Variants in ATP8A2 observed in about 807,000 individuals in gnomAD.
ATP8A2 encodes the protein ATPase phospholipid transporting 8A2.
In ATP8A2, 100 loss-of-function variants were observed where a neutral mutation model predicts 165.6. That is an observed-to-expected ratio of 0.60 (90% CI 0.51 to 0.71). The LOEUF (loss-of-function observed/expected upper bound fraction) is 0.71, where lower values mean the gene tolerates loss of function less well. Among genes scored for constraint, ATP8A2 ranks in the 30% least tolerant of loss-of-function variants. ATP8A2 has a pLI of 0.00. For synonymous variants in ATP8A2, 543 were observed against 548.8 expected (o/e 0.99, Z 0.15); for missense variants, 1,227 against 1,479.5 (o/e 0.83, Z 2.80).
At chr13:25,674,555 G>A (rs1268511121) in intron 24 of ATP8A2, among the ~76,000 whole-genome samples, 1 of 152,122 alleles carries the variant, frequency 6.6e-6, no homozygotes, top group Non-Finnish European at 1.5e-5. Flanking sequence ...CAGGGAAGTG[G>A]TGTATTTAGT....
chr13:25,574,860 A>C lies in ATP8A2; in HGVS notation c.1712+3A>C, dbSNP rs757702116. On this transcript the variant is annotated splice_donor_region_variant and intron_variant, in intron 19 of 36. Transcript: ENST00000381655. The stretch of plus-strand genomic sequence containing the variant: ...CTTAATGTCCTGGAATTTTCTAGGT[A>C]TGTTTCTCTTTCATACGTTTGAAAT... 40 of 1,490,132 alleles carry C rather than the reference A, an allele frequency of 2.7e-5. No individual in the cohort carries two copies. The highest frequency in any genetic ancestry group is 3.7e-5 in the Non-Finnish European group (40 of 1,069,470). The allele number at this position is 1,490,132 out of a possible 1,614,324, so 92.3% of individuals were successfully genotyped here. A position where few individuals can be genotyped will look rare whatever the true frequency, so the allele number is the denominator to read the frequency against.
chr13:25,745,720 T>C (rs1331617589), intron 25 of ATP8A2, among the ~76,000 whole-genome samples: 1 of 152,228 alleles, frequency 6.6e-6, no homozygotes, highest in Admixed American at 6.5e-5. Context: ...ATGACACTTG[T>C]ATGAATGAAA....
intron 13 of ATP8A2, 112 bp from the exon 14 acceptor site, chr13:25,558,861 G>A: frequency 3.1e-6 from 2 of 644,464 alleles, no homozygotes; most frequent in Non-Finnish European, 2.6e-6. Context: ...TTGCTTTAGG[G>A]AAATCTACCC....
chr13:25,418,617 G>C (rs1434729030), intron 1 of ATP8A2, among the ~76,000 whole-genome samples: 1 of 152,122 alleles, frequency 6.6e-6, no homozygotes, highest in Admixed American at 6.5e-5. Flanking sequence ...TGTGCAAATA[G>C]AGGCCAAAAT....
intron 6 of ATP8A2, among the ~76,000 whole-genome samples, chr13:25,537,504 G>A (rs1018953924): frequency 7.2e-5 from 11 of 152,098 alleles, no homozygotes; most frequent in African/African-American, 2.7e-4. Context: ...TGAAATATGT[G>A]CCTTTATCCT....
At chr13:25,896,259 C>T (rs1364219235) in intron 33 of ATP8A2, among the ~76,000 whole-genome samples, 1 of 152,180 alleles carries the variant, frequency 6.6e-6, no homozygotes, top group Non-Finnish European at 1.5e-5. Flanking sequence ...TTTCAAAGAA[C>T]ATCTTTATTT....
intron 33 of ATP8A2, among the ~76,000 whole-genome samples, chr13:25,906,627 T>G (rs1291358235): frequency 6.6e-6 from 1 of 152,184 alleles, no homozygotes; most frequent in East Asian, 1.9e-4. Context: ...CTTCTTGTTC[T>G]TCTGTGAGTA....
At chr13:25,652,982 C>T (rs904523445) in intron 24 of ATP8A2, among the ~76,000 whole-genome samples, 2 of 152,208 alleles carry the variant, frequency 1.3e-5, no homozygotes, top group African/African-American at 2.4e-5. Flanking sequence ...AGGTCATGAC[C>T]TCCTGCTGTG....
intron 32 of ATP8A2, among the ~76,000 whole-genome samples, chr13:25,861,903 G>C (rs1229124941): frequency 6.6e-6 from 1 of 152,184 alleles, no homozygotes; most frequent in Admixed American, 6.5e-5. Flanking sequence ...GTCTTGAAAT[G>C]ATAAATAAAA....
intron 1 of ATP8A2, among the ~76,000 whole-genome samples, chr13:25,430,986 C>G (rs943322132): frequency 6.6e-6 from 1 of 151,652 alleles, no homozygotes; most frequent in Non-Finnish European, 1.5e-5. Context: ...AGTGGCTATT[C>G]CTTCCTAAAA....
At chr13:25,907,623 C>T (rs777317285) in intron 33 of ATP8A2, among the ~76,000 whole-genome samples, 12 of 152,168 alleles carry the variant, frequency 7.9e-5, no homozygotes, top group Non-Finnish European at 1.5e-4. Context: ...TGTAAAACAG[C>T]GTTGATGACA....
intron 1 of ATP8A2, among the ~76,000 whole-genome samples, chr13:25,411,790 T>G (rs1273481370): frequency 2.6e-5 from 4 of 152,206 alleles, no homozygotes; most frequent in Non-Finnish European, 4.4e-5. Context: ...TGCAATGTGA[T>G]TGGAGAGTTA....
At chr13:25,636,987 G>C (rs943129610) in intron 24 of ATP8A2, among the ~76,000 whole-genome samples, 5 of 148,570 alleles carry the variant, frequency 3.4e-5, no homozygotes, top group African/African-American at 1.2e-4. Context: ...CTACTCAAGA[G>C]GTTGAGGCTG....
At chr13:25,718,179 T>C (rs1310528846) in intron 25 of ATP8A2, among the ~76,000 whole-genome samples, 1 of 151,738 alleles carries the variant, frequency 6.6e-6, no homozygotes, top group Non-Finnish European at 1.5e-5. Context: ...ATAATAACAT[T>C]GGGAAAATTA....
intron 25 of ATP8A2, chr13:25,705,209 C>A: frequency 2.3e-6 from 1 of 426,438 alleles, no homozygotes; most frequent in South Asian, 1.7e-5. Context: ...GCACAGACTA[C>A]CAGGGGAGAG....
chr13:25,474,594 T>A (rs909463895), intron 2 of ATP8A2, among the ~76,000 whole-genome samples: 6 of 151,712 alleles, frequency 4.0e-5, no homozygotes, highest in Non-Finnish European at 7.4e-5. Context: ...GAATATTACC[T>A]TTACAGAAAA....
At chr13:25,503,399 C>T (rs1222524401) in intron 2 of ATP8A2, among the ~76,000 whole-genome samples, 1 of 152,110 alleles carries the variant, frequency 6.6e-6, no homozygotes, top group African/African-American at 2.4e-5. Flanking sequence ...CAAGTAATGA[C>T]ACCATGAAGC....
chr13:25,787,324 C>G (rs564784304), intron 27 of ATP8A2, among the ~76,000 whole-genome samples: 3 of 152,172 alleles, frequency 2.0e-5, no homozygotes, highest in Non-Finnish European at 4.4e-5. Context: ...GTATTATGAC[C>G]CTCTGATTCC....
chr13:25,805,911 A>G (rs147206890), intron 27 of ATP8A2, among the ~76,000 whole-genome samples: 45 of 152,250 alleles, frequency 3.0e-4, no homozygotes, highest in Non-Finnish European at 3.2e-4. Context: ...TCCAGTATGT[A>G]TAAGAAAGTA....
Sources: allele counts gnomAD v4.1 joint callset (sites outside exome capture counted in the v4.1 genomes callset), GRCh38; gene constraint gnomAD v4.1.1; transcripts MANE v1.5; gene names NCBI Gene and HGNC (gene_info 2026-07-23, HGNC 2026-07-21).